Variants in GALNT18 observed in about 807,000 individuals in gnomAD.
GALNT18 encodes polypeptide N-acetylgalactosaminyltransferase 18.
In GALNT18, 44 loss-of-function variants were observed where a neutral mutation model predicts 69.5. The ratio of observed to expected loss-of-function variants is 0.63; its 90% CI spans 0.50 to 0.81. The LOEUF (loss-of-function observed/expected upper bound fraction) is 0.81. Ranked by LOEUF, GALNT18 falls within the 40% of genes least tolerant of loss-of-function variation. The probability of loss-of-function intolerance (pLI) is 0.00; values close to 1 mark genes in which losing one functional copy is unlikely to be tolerated. For synonymous variants in GALNT18, 364 were observed against 318.2 expected (o/e 1.14, Z -1.53); for missense variants, 715 against 810.0 (o/e 0.88, Z 1.42).
chr11:11,508,929 C>T (rs1857119476), intron 1 of GALNT18, among the ~76,000 whole-genome samples: 1 of 152,186 alleles, frequency 6.6e-6, no homozygotes, highest in Non-Finnish European at 1.5e-5. Flanking sequence ...GCTCAGAAAT[C>T]TTTGATGGCT....
At chr11:11,344,695 C>T (rs1308627661) in intron 6 of GALNT18, among the ~76,000 whole-genome samples, 1 of 152,198 alleles carries the variant, frequency 6.6e-6, no homozygotes, top group Admixed American at 6.5e-5. Flanking sequence ...CATTTCCGCC[C>T]TGTGGGTGAG....
intron 1 of GALNT18, among the ~76,000 whole-genome samples, chr11:11,545,141 A>G (rs1047355580): frequency 2.0e-5 from 3 of 152,254 alleles, no homozygotes; most frequent in African/African-American, 7.2e-5. Flanking sequence ...AGAGAGTTAA[A>G]GTAACTTGCT....
At chr11:11,329,299 C>CAG (rs150360642) in intron 8 of GALNT18, among the ~76,000 whole-genome samples, 8,747 of 152,280 alleles carry the variant, frequency 0.057, 297 homozygotes, top group East Asian at 0.18. Flanking sequence ...TTTAGGAATG[C>CAG]ATCTATGTGT....
intron 9 of GALNT18, among the ~76,000 whole-genome samples, chr11:11,300,480 G>T (rs757659795): frequency 7.2e-5 from 11 of 152,196 alleles, no homozygotes; most frequent in Non-Finnish European, 1.5e-4. Context: ...CATTTCTTCA[G>T]ATATTTATCC....
rs1860106219 is a variant in GALNT18 at position 11,618,322 on chromosome 11, A to G, written c.235+3037T>C. On this transcript the variant is annotated intron_variant, in intron 1 of 10. Coordinates refer to ENST00000227756, the MANE Select transcript of GALNT18 (RefSeq NM_198516.3). The surrounding 1 kb of genome is among the most constrained non-coding windows in gnomAD (Gnocchi z 6.1). Reference sequence around the variant, plus strand: ...AATAACCAACGTGGCCATAGGCATCAGCACTCATCCATTCATCCACGCTTC... The same window carrying G: ...AATAACCAACGTGGCCATAGGCATCGGCACTCATCCATTCATCCACGCTTC... Among the ~76,000 whole-genome samples the G allele has an allele frequency of 6.6e-6, 1 of 152,260 alleles. No homozygotes were observed. Among genetic ancestry groups the G allele is most frequent in the East Asian group, 1.9e-4 (1 of 5,196 alleles).
chr11:11,297,632 G>A (rs1191411488), intron 9 of GALNT18, among the ~76,000 whole-genome samples: 1 of 152,152 alleles, frequency 6.6e-6, no homozygotes, highest in Non-Finnish European at 1.5e-5. Context: ...CAGAGAGCTG[G>A]AGGAGCCTAG....
In GALNT18 at chr11:11,578,821, C is replaced by A. The variant is rs991627564; in HGVS notation, c.235+42538G>T. Among the ~76,000 whole-genome samples the A allele has an allele frequency of 2.0e-5, 3 of 152,204 alleles. No individual in the cohort carries two copies. In the East Asian group the frequency reaches 5.8e-4, roughly 29 times the overall value. ...AGAAGAAAGGGAGGTGCAATCCCAGCCAACCTTTCCCTAACAGCTCTTTCC... is the reference window on the plus strand; with the variant it reads ...AGAAGAAAGGGAGGTGCAATCCCAGACAACCTTTCCCTAACAGCTCTTTCC... On this transcript the variant is annotated intron_variant, in intron 1 of 10. Transcript: ENST00000227756.
chr11:11,607,087 A>G (rs1281056760), intron 1 of GALNT18, among the ~76,000 whole-genome samples: 2 of 152,262 alleles, frequency 1.3e-5, no homozygotes, highest in Non-Finnish European at 2.9e-5. Context: ...ACACAATACT[A>G]GAAGTTTCCA....
intron 1 of GALNT18, among the ~76,000 whole-genome samples, chr11:11,611,351 A>G (rs1794496683): frequency 6.6e-6 from 1 of 152,198 alleles, no homozygotes; most frequent in African/African-American, 2.4e-5. Context: ...AGCGGAAGGA[A>G]TAACAAAAAA....
chr11:11,321,978 T>C (rs1344656083), intron 9 of GALNT18, among the ~76,000 whole-genome samples: 2 of 152,208 alleles, frequency 1.3e-5, no homozygotes, highest in East Asian at 3.9e-4. Flanking sequence ...CAGTCCAGGG[T>C]TGGTTGCAGC....
rs921200375 is a variant in GALNT18, at chr11:11,591,278, G to A, written c.235+30081C>T. On this transcript the variant is annotated intron_variant, in intron 1 of 10. Coordinates refer to ENST00000227756, the MANE Select transcript of GALNT18 (RefSeq NM_198516.3). This position sits in a 1 kb window ranked among gnomAD's most constrained non-coding sequence, Gnocchi z 4.8. ...CACATTATTAGGCAATATTATCGTTGTGCAAACTTTATGAAGTTTGCACAC... is the reference window on the plus strand; with the variant it reads ...CACATTATTAGGCAATATTATCGTTATGCAAACTTTATGAAGTTTGCACAC... 3.4e-4 allele frequency among the ~76,000 whole-genome samples: 52 copies of A among 152,010 alleles called. No individual in the cohort carries two copies. The highest frequency in any genetic ancestry group is 1.2e-3 in the African/African-American group (49 of 41,368).
intron 1 of GALNT18, among the ~76,000 whole-genome samples, chr11:11,526,885 A>C (rs1474984362): frequency 6.6e-6 from 1 of 152,204 alleles, no homozygotes; most frequent in East Asian, 1.9e-4. Context: ...GTCAGTGAAC[A>C]GCAATCCAGT....
intron 1 of GALNT18, among the ~76,000 whole-genome samples, chr11:11,466,310 C>G (rs551796631): frequency 5.1e-4 from 78 of 152,318 alleles, no homozygotes; most frequent in Admixed American, 2.8e-3. Context: ...AAATCCCTAC[C>G]CTCCTTTCAT....
intron 2 of GALNT18, among the ~76,000 whole-genome samples, chr11:11,442,558 G>A (rs905918203): frequency 2.0e-5 from 3 of 152,082 alleles, no homozygotes; most frequent in African/African-American, 4.8e-5. Flanking sequence ...CCCATGAAAT[G>A]GTCCCTAACC....
rs760742507 is a variant in GALNT18, at chr11:11,470,380, G to T, written c.236-21444C>A. Among the ~76,000 whole-genome samples, 8 of 152,144 alleles carry T rather than the reference G, an allele frequency of 5.3e-5. No homozygotes were observed. The highest frequency in any genetic ancestry group is 1.0e-4 in the Non-Finnish European group (7 of 68,028). ...TACATTCATATCTTGATCTATGGAT[G>T]GGAATTTCCATCTTAGAAGACAAGA... On this transcript the variant is annotated intron_variant, in intron 1 of 10. Coordinates refer to ENST00000227756, the MANE Select transcript of GALNT18 (RefSeq NM_198516.3). The surrounding 1 kb of genome is among the most constrained non-coding windows in gnomAD (Gnocchi z 4.8).
chr11:11,615,387 C>A (rs570776093), intron 1 of GALNT18, among the ~76,000 whole-genome samples: 4 of 152,304 alleles, frequency 2.6e-5, no homozygotes, highest in African/African-American at 4.8e-5. Context: ...TTTCAGGAAA[C>A]AAAATGCAGT....
intron 3 of GALNT18, among the ~76,000 whole-genome samples, chr11:11,408,095 G>C (rs930409057): frequency 2.0e-5 from 3 of 152,190 alleles, no homozygotes; most frequent in Non-Finnish European, 2.9e-5. Context: ...GCCAGGCGTG[G>C]TGGCTCACGC....
rs891066156 is a variant in GALNT18 at position 11,603,104 on chromosome 11, G to C, written c.235+18255C>G. ...CTTCTTTGAAAGGAGGCAATTCTAA[G>C]TTATGTCTTCCCATCAACTACTTCA... On this transcript the variant is annotated intron_variant, in intron 1 of 10. Transcript: ENST00000227756. The surrounding 1 kb of genome is among the most constrained non-coding windows in gnomAD (Gnocchi z 4.5). Among the ~76,000 whole-genome samples the C allele has an allele frequency of 1.3e-5, 2 of 152,192 alleles. No individual in the cohort carries two copies. Among genetic ancestry groups the C allele is most frequent in the African/African-American group, 2.4e-5 (1 of 41,450 alleles).
intron 6 of GALNT18, among the ~76,000 whole-genome samples, chr11:11,344,705 G>A (rs1442270895): frequency 6.6e-6 from 1 of 152,192 alleles, no homozygotes; most frequent in Non-Finnish European, 1.5e-5. Context: ...CTGTGGGTGA[G>A]GGGATGCAGT....
Sources: gnomAD v4.1 joint callset for allele counts (sites outside exome capture counted in the v4.1 genomes callset) on GRCh38, gnomAD v4.1.1 for gene constraint, Gnocchi (gnomAD v3.1) non-coding constraint, MANE v1.5 for transcripts, NCBI Gene and HGNC (gene_info 2026-07-23, HGNC 2026-07-21) for gene names.